SSBP3: variants seen among roughly 807,000 people sequenced by gnomAD.
SSBP3 encodes the protein single stranded DNA binding protein 3, also known as single-stranded DNA-binding protein 3.
Under a neutral mutation model 69.6 loss-of-function variants are expected in SSBP3, and 5 were observed. The ratio of observed to expected loss-of-function variants is 0.07; its 90% CI spans 0.04 to 0.15. SSBP3 has a LOEUF of 0.15. SSBP3 is among the 10% of genes least tolerant of loss of function. The probability of loss-of-function intolerance (pLI) is 1.00; values close to 1 mark genes in which losing one functional copy is unlikely to be tolerated. For missense variants in SSBP3, 312 were observed against 534.0 expected (o/e 0.58, Z 4.10); for synonymous variants, 196 against 193.4 (o/e 1.01, Z -0.11).
At chr1:54,304,717 A>G (rs945922152) in intron 4 of SSBP3, among the ~76,000 whole-genome samples, 6 of 152,168 alleles carry the variant, frequency 3.9e-5, no homozygotes, top group African/African-American at 1.4e-4. Flanking sequence ...CTAGACAAGG[A>G]ACACTGCTGG....
At chr1:54,263,595 C>A (rs1001301364) in intron 5 of SSBP3, among the ~76,000 whole-genome samples, 1 of 152,238 alleles carries the variant, frequency 6.6e-6, no homozygotes, top group Non-Finnish European at 1.5e-5. Context: ...AGCTTGACGT[C>A]TGGCCTCATC....
At chr1:54,267,462 T>C (rs1338960288) in intron 5 of SSBP3, among the ~76,000 whole-genome samples, 2 of 152,186 alleles carry the variant, frequency 1.3e-5, no homozygotes, top group African/African-American at 2.4e-5. Flanking sequence ...AACACTTTAA[T>C]AGAGGCAGAG....
At chr1:54,254,050 T>C (rs1387305548) in intron 7 of SSBP3, among the ~76,000 whole-genome samples, 4 of 152,172 alleles carry the variant, frequency 2.6e-5, no homozygotes, top group East Asian at 1.9e-4. Flanking sequence ...AGGTGTGCAA[T>C]GACCAAGGAA....
chr1:54,279,540 G>T lies in SSBP3; in HGVS notation c.366+1898C>A, dbSNP rs143040689. Among the ~76,000 whole-genome samples, 299 of 152,284 alleles carry T rather than the reference G, an allele frequency of 2.0e-3. 2 individuals carry two copies. Among genetic ancestry groups the T allele is most frequent in the African/African-American group, 6.8e-3 (283 of 41,578 alleles). Reference sequence around the variant, plus strand: ...CTACCACAGTGGTCTAATCTGCACCGGACACCCAGATGCCGGCAAGCAGCC... The same window carrying T: ...CTACCACAGTGGTCTAATCTGCACCTGACACCCAGATGCCGGCAAGCAGCC... On this transcript the variant is annotated intron_variant, in intron 5 of 17. Transcript: ENST00000610401.
At chr1:54,318,511 A>G (rs1646155046) in intron 4 of SSBP3, among the ~76,000 whole-genome samples, 1 of 152,116 alleles carries the variant, frequency 6.6e-6, no homozygotes, top group South Asian at 2.1e-4. Context: ...ACAGACACCA[A>G]AACACCAAGC....
chr1:54,411,306 C>T (rs1044060315), upstream of SSBP3, among the ~76,000 whole-genome samples: 7 of 152,028 alleles, frequency 4.6e-5, no homozygotes, highest in Admixed American at 3.9e-4. Context: ...GGTGAAACCC[C>T]GTCTCTACTA....
intron 4 of SSBP3, among the ~76,000 whole-genome samples, chr1:54,290,069 A>G (rs56265163): frequency 0.026 from 3,905 of 152,296 alleles, 177 homozygotes; most frequent in African/African-American, 0.088. Flanking sequence ...GGGCAGAACC[A>G]GAAGTCAAGC....
chr1:54,402,573 C>T (rs140885561), intron 3 of SSBP3, among the ~76,000 whole-genome samples: 37 of 149,644 alleles, frequency 2.5e-4, no homozygotes, highest in African/African-American at 8.5e-4. Flanking sequence ...AAGAACCACT[C>T]CTCCCTCCAT....
At position 54,348,284 on chromosome 1, in the gene SSBP3, G is replaced by C. The variant is rs550155300; in HGVS notation, c.276+53577C>G. 2.5e-4 allele frequency among the ~76,000 whole-genome samples: 35 copies of C among 139,692 alleles called. 1 individual carries two copies. Among genetic ancestry groups the C allele is most frequent in the African/African-American group, 8.0e-4 (30 of 37,576 alleles). The allele number at this position is 139,692 out of a possible 152,430, so 91.6% of individuals were successfully genotyped here. A position where few individuals can be genotyped will look rare whatever the true frequency, so the allele number is the denominator to read the frequency against. On this transcript the variant is annotated intron_variant, in intron 4 of 17. Transcript: ENST00000610401. ...GGCGGGTGAGGACAGGTGGAAATTAGCAGAGAGTGGGCAGAAAGAAAGAGA... is the reference window on the plus strand; with the variant it reads ...GGCGGGTGAGGACAGGTGGAAATTACCAGAGAGTGGGCAGAAAGAAAGAGA...
At chr1:54,228,208 T>A in intron 17 of SSBP3, 47 bp downstream of exon 17, 1 of 1,557,772 alleles carries the variant, frequency 6.4e-7, no homozygotes, top group Non-Finnish European at 8.8e-7. Flanking sequence ...TAGGAAAGAG[T>A]CCCCAGGCCG....
At chr1:54,408,937 G>C (rs529284664), upstream of SSBP3, among the ~76,000 whole-genome samples, 1 of 152,324 alleles carries the variant, frequency 6.6e-6, no homozygotes, top group East Asian at 1.9e-4. Flanking sequence ...GGCCCGGGCA[G>C]AGAGAGCAGG....
At chr1:54,329,677 C>T (rs1468319909) in intron 4 of SSBP3, among the ~76,000 whole-genome samples, 1 of 152,252 alleles carries the variant, frequency 6.6e-6, no homozygotes, top group Non-Finnish European at 1.5e-5. Flanking sequence ...AGGGATCTCC[C>T]TCCCCATCAA....
intron 4 of SSBP3, among the ~76,000 whole-genome samples, chr1:54,342,964 G>A (rs997314007): frequency 2.0e-5 from 3 of 152,178 alleles, no homozygotes; most frequent in African/African-American, 7.2e-5. Context: ...TACAGCGTAT[G>A]GATCATGTTT....
intron 4 of SSBP3, among the ~76,000 whole-genome samples, chr1:54,398,337 C>T (rs1649042281): frequency 6.6e-6 from 1 of 152,236 alleles, no homozygotes; most frequent in Non-Finnish European, 1.5e-5. Context: ...TCTCTAGTCT[C>T]TTTGGCTCAA....
exon 18 of SSBP3, chr1:54,225,509 T>C: frequency 3.8e-6 from 4 of 1,062,372 alleles, no homozygotes; most frequent in Non-Finnish European, 4.8e-6. Flanking sequence ...ATAATTACTT[T>C]TTTTTCCTCT....
At chr1:54,374,318 A>G (rs553478498) in intron 4 of SSBP3, among the ~76,000 whole-genome samples, 1 of 152,324 alleles carries the variant, frequency 6.6e-6, no homozygotes, top group South Asian at 2.1e-4. Context: ...CGCTACTCAC[A>G]AGGAGCACAG....
upstream of SSBP3, among the ~76,000 whole-genome samples, chr1:54,408,171 G>T (rs1462117990): frequency 6.6e-6 from 1 of 152,172 alleles, no homozygotes; most frequent in Admixed American, 6.5e-5. Context: ...CAGAAAAAAG[G>T]AACGCTGAGA....
exon 18 of SSBP3, chr1:54,226,085 T>C (rs1644281054): frequency 6.6e-6 from 1 of 152,258 alleles, no homozygotes; most frequent in East Asian, 1.9e-4. Flanking sequence ...ACTGTTTCCA[T>C]GTCCCAGGTC....
chr1:54,288,787 G>C (rs944553017), intron 4 of SSBP3, among the ~76,000 whole-genome samples: 3 of 152,018 alleles, frequency 2.0e-5, no homozygotes, highest in African/African-American at 7.2e-5. Flanking sequence ...GGGAGGCCAA[G>C]GTGGGCGGAT....
Sources: gnomAD v4.1 joint callset for allele counts (sites outside exome capture counted in the v4.1 genomes callset) on GRCh38, gnomAD v4.1.1 for gene constraint, MANE v1.5 for transcripts, NCBI Gene and HGNC (gene_info 2026-07-23, HGNC 2026-07-21) for gene names.